XPO7: variants seen among roughly 807,000 people sequenced by gnomAD.
XPO7 encodes the protein exportin-7.
Under a neutral mutation model 144.3 loss-of-function variants are expected in XPO7, and 21 were observed. The observed-to-expected ratio is 0.15, with a 90% confidence interval of 0.10 to 0.21. The LOEUF (loss-of-function observed/expected upper bound fraction) is 0.21, where lower values mean the gene tolerates loss of function less well. Among genes scored for constraint, XPO7 ranks in the 10% least tolerant of loss-of-function variants. The pLI, the probability that XPO7 is intolerant of heterozygous loss-of-function variation, is 1.00. For synonymous variants in XPO7, 580 were observed against 499.6 expected, an observed-to-expected ratio of 1.16 and a Z score of -2.15; for missense variants, 808 against 1,325.8, an observed-to-expected ratio of 0.61 and a Z score of 6.06.
At chr8:21,994,491 T>C (rs1006155422) in intron 20 of XPO7, 40 bp downstream of exon 20, 1 of 1,558,668 alleles carries the variant, frequency 6.4e-7, no homozygotes, top group Non-Finnish European at 8.8e-7. Flanking sequence ...CAGCCTGCCT[T>C]AACTGGAGTG....
chr8:21,974,793 TC>T lies in XPO7; in HGVS notation c.597+20del, dbSNP rs746204329. 35 of 1,528,834 alleles carry T rather than the reference TC, an allele frequency of 2.3e-5. No homozygotes were observed. In the South Asian group the frequency reaches 4.3e-4, roughly 19 times the overall value. 94.7% of individuals were successfully genotyped at this position (1,528,834 alleles called of 1,614,324 possible). A position where few individuals can be genotyped will look rare whatever the true frequency, so the allele number is the denominator to read the frequency against. On this transcript the variant is annotated intron_variant, in intron 6 of 27. Transcript: ENST00000252512. ...AAAACAGGTGAGCATGTAGTTTGGG[TC>T]ATATTTCCCAGTTTCTTTTGAAAGA...
chr8:21,998,650 A>C, intron 21 of XPO7, 105 bp from the exon 22 acceptor site: 1 of 849,340 alleles, frequency 1.2e-6, no homozygotes, highest in East Asian at 2.6e-5. Flanking sequence ...TGCTTACCTT[A>C]ATGTAAATGC....
chr8:21,928,324 A>G (rs1264608676), intron 1 of XPO7, among the ~76,000 whole-genome samples: 1 of 152,238 alleles, frequency 6.6e-6, no homozygotes, highest in Non-Finnish European at 1.5e-5. Flanking sequence ...CATTGGATGT[A>G]TCCATTCACT....
intron 7 of XPO7, 47 bp from the exon 8 acceptor site, chr8:21,977,723 A>T: frequency 6.4e-7 from 1 of 1,568,648 alleles, no homozygotes; most frequent in Admixed American, 1.7e-5. Flanking sequence ...GCCAGCGGCA[A>T]TGTTCATACT....
intron 1 of XPO7, among the ~76,000 whole-genome samples, chr8:21,942,338 A>G (rs1811020042): frequency 6.6e-6 from 1 of 152,214 alleles, no homozygotes; most frequent in Non-Finnish European, 1.5e-5. Flanking sequence ...TAGAAATTAA[A>G]ACAATTTTTA....
intron 1 of XPO7, among the ~76,000 whole-genome samples, chr8:21,923,696 C>T (rs1014439654): frequency 1.3e-5 from 2 of 151,556 alleles, no homozygotes; most frequent in South Asian, 2.1e-4. Context: ...CAGGAAGATC[C>T]CTGTTCTATA....
intron 1 of XPO7, among the ~76,000 whole-genome samples, chr8:21,951,308 T>A (rs1811363993): frequency 6.6e-6 from 1 of 152,030 alleles, no homozygotes; most frequent in East Asian, 1.9e-4. Flanking sequence ...ATTACCCTTT[T>A]GAATACTGCA....
At chr8:21,997,519 C>G (rs535877639) in intron 21 of XPO7, among the ~76,000 whole-genome samples, 1 of 152,260 alleles carries the variant, frequency 6.6e-6, no homozygotes, top group South Asian at 2.1e-4. Context: ...TGCACGAGTC[C>G]TGAGATAGGA....
At position 21,976,194 on chromosome 8, in the gene XPO7, T is replaced by C. The variant is rs140564370; in HGVS notation, c.598-162T>C. On this transcript the variant is annotated intron_variant, in intron 6 of 27. Coordinates refer to ENST00000252512, the MANE Select transcript of XPO7 (RefSeq NM_015024.5). ...GTATATAAGGAGCTAGGTATTTTCA[T>C]AGTCACAGGTGATAGAAGTACCACA... Among the ~76,000 whole-genome samples the C allele has an allele frequency of 2.2e-3, 333 of 152,340 alleles. 2 individuals carry two copies. Among genetic ancestry groups the C allele is most frequent in the African/African-American group, 7.3e-3 (302 of 41,568 alleles).
chr8:21,991,918 T>G lies in XPO7; in HGVS notation c.2092T>G (p.Phe698Val), dbSNP rs879098901. The G allele has an allele frequency of 5.0e-6, 8 of 1,613,718 alleles. No homozygotes were observed. In the South Asian group the frequency reaches 8.8e-5, roughly 18 times the overall value. ...EQFMLPLTAA[F>V]EAVAQMFSTN... Reference sequence around the variant, plus strand: ...GTTCATGCTGCCACTCACAGCAGCATTTGAGGCTGTGGCCCAGATGTTTAG... The same window carrying G: ...GTTCATGCTGCCACTCACAGCAGCAGTTGAGGCTGTGGCCCAGATGTTTAG... Residue 698 changes from phenylalanine (F) to valine (V), a missense_variant, in exon 19 of 28, where the codon TTT (phenylalanine) becomes GTT (valine). By Grantham distance (50) the Phe-to-Val change is conservative. Transcript: ENST00000252512.
At chr8:21,977,927 A>G (rs748534216) in intron 8 of XPO7, 84 bp downstream of exon 8, 17 of 1,219,916 alleles carry the variant, frequency 1.4e-5, no homozygotes, top group African/African-American at 3.1e-5. Context: ...GTTTTGTTTT[A>G]TAAAATTATA....
intron 1 of XPO7, among the ~76,000 whole-genome samples, chr8:21,965,142 C>CTT (rs79291299): frequency 2.9e-5 from 4 of 137,252 alleles, no homozygotes; most frequent in Non-Finnish European, 4.8e-5. Context: ...TAATTTTTTT[C>CTT]TTTTTTTTTT....
chr8:22,001,975 G>C (rs188714777), intron 24 of XPO7, 137 bp from the exon 25 acceptor site: 1 of 955,352 alleles, frequency 1.0e-6, no homozygotes, highest in Admixed American at 2.7e-5. Flanking sequence ...AGGTTAAGAG[G>C]TTAACAGGAG....
rs778539051 is a variant in XPO7, at chr8:21,976,337, T to C, written c.598-19T>C. 1.9e-6 allele frequency: 3 copies of C among 1,609,782 alleles called. No individual in the cohort carries two copies. The highest frequency in any genetic ancestry group is 2.7e-5 in the African/African-American group (2 of 74,832). Reference sequence around the variant, plus strand: ...GAGAGGAGTGATTTTGGGGACTCATTATGTGGTAATTTTTACAGGCTTCAG... The same window carrying C: ...GAGAGGAGTGATTTTGGGGACTCATCATGTGGTAATTTTTACAGGCTTCAG... On this transcript the variant is annotated intron_variant, in intron 6 of 27. Coordinates refer to ENST00000252512, the MANE Select transcript of XPO7 (RefSeq NM_015024.5).
At chr8:21,980,483 C>G (rs28583947) in intron 9 of XPO7, among the ~76,000 whole-genome samples, 31,061 of 152,090 alleles carry the variant, frequency 0.2, 4,579 homozygotes, top group African/African-American at 0.42. Flanking sequence ...AGTTAAGACT[C>G]TAACATCTCC....
At chr8:21,919,896 CGCCGCCGCCACTCGG>C (rs1810209306) in intron 1 of XPO7, 108 bp downstream of exon 1, 1 of 273,388 alleles carries the variant, frequency 3.7e-6, no homozygotes, top group Non-Finnish European at 7.1e-6. Context: ...GGCAGGCCCG[CGCCGCCGCCACTCGG>C]GGCTCTGGAG....
intron 6 of XPO7, among the ~76,000 whole-genome samples, 163 bp from the exon 7 acceptor site, chr8:21,976,193 A>G (rs1812216338): frequency 1.3e-5 from 2 of 152,220 alleles, no homozygotes; most frequent in African/African-American, 4.8e-5. Context: ...AGGTATTTTC[A>G]TAGTCACAGG....
At chr8:21,978,479 T>G (rs899670090) in intron 8 of XPO7, among the ~76,000 whole-genome samples, 2 of 152,224 alleles carry the variant, frequency 1.3e-5, no homozygotes, top group African/African-American at 4.8e-5. Context: ...TAGAGGACTT[T>G]TCTGGCCATT....
At chr8:21,967,405 A>T (rs987298371) in intron 2 of XPO7, among the ~76,000 whole-genome samples, 2 of 152,128 alleles carry the variant, frequency 1.3e-5, no homozygotes, top group African/African-American at 4.8e-5. Context: ...ATCTTGGCTC[A>T]CTGCAACCTC....
Sources: allele counts gnomAD v4.1 joint callset (sites outside exome capture counted in the v4.1 genomes callset), GRCh38; gene constraint gnomAD v4.1.1; transcripts MANE v1.5; gene names NCBI Gene and HGNC (gene_info 2026-07-23, HGNC 2026-07-21).